The following NTNG1 variants were observed in gnomAD, a reference collection of about 807,000 sequenced individuals.
The protein encoded by NTNG1 is netrin-G1.
NTNG1 carries 16 observed loss-of-function variants against 54.0 expected under a neutral mutation model. The ratio of observed to expected loss-of-function variants is 0.30; its 90% CI spans 0.20 to 0.45. The LOEUF (loss-of-function observed/expected upper bound fraction) is 0.45. NTNG1 is among the 20% of genes least tolerant of loss of function. NTNG1 has a pLI of 1.00. For synonymous variants in NTNG1, 255 were observed against 263.1 expected (o/e 0.97, Z 0.30); for missense variants, 530 against 678.7 (o/e 0.78, Z 2.43).
At chr1:107,362,562 T>C (rs917098452) in intron 3 of NTNG1, among the ~76,000 whole-genome samples, 1 of 152,106 alleles carries the variant, frequency 6.6e-6, no homozygotes, top group Admixed American at 6.5e-5. Flanking sequence ...AACAGGTGCA[T>C]GATGTAGTGC....
chr1:107,169,830 G>T (rs925792515), intron 2 of NTNG1, among the ~76,000 whole-genome samples: 1 of 152,114 alleles, frequency 6.6e-6, no homozygotes, highest in African/African-American at 2.4e-5. Context: ...GAGATGCCTC[G>T]CAAAGAATTG....
At chr1:107,312,391 C>T (rs17509160) in intron 2 of NTNG1, among the ~76,000 whole-genome samples, 11,098 of 152,108 alleles carry the variant, frequency 0.073, 621 homozygotes, top group South Asian at 0.21. Flanking sequence ...ACTGACTACA[C>T]CCAAGGAGAT....
chr1:107,469,435 G>A (rs776040838), intron 7 of NTNG1, among the ~76,000 whole-genome samples: 7 of 151,926 alleles, frequency 4.6e-5, no homozygotes, highest in Admixed American at 1.3e-4. Flanking sequence ...TCCACCATTC[G>A]GAAACAGGCA....
intron 2 of NTNG1, among the ~76,000 whole-genome samples, chr1:107,194,927 G>A (rs1658209614): frequency 6.6e-6 from 1 of 151,790 alleles, no homozygotes; most frequent in South Asian, 2.1e-4. Flanking sequence ...TATTTCTATA[G>A]GGAAAAAAAA....
chr1:107,481,765 T>G lies in NTNG1; in HGVS notation c.*925T>G, dbSNP rs1678729261. 1 of 152,604 alleles carries G rather than the reference T, an allele frequency of 6.6e-6. No individual in the cohort carries two copies. The highest frequency in any genetic ancestry group is 1.5e-5 in the Non-Finnish European group (1 of 68,030). The allele number at this position is 152,604 out of a possible 1,614,324, so 9.5% of individuals were successfully genotyped here. ...AATATCAGTTTACATATATAACAAGTGTAATAAGATTCCACCAAAGGACAT... is the reference window on the plus strand; with the variant it reads ...AATATCAGTTTACATATATAACAAGGGTAATAAGATTCCACCAAAGGACAT... On this transcript the variant is annotated 3_prime_UTR_variant, in exon 8 of 8. Transcript: ENST00000370068.
chr1:107,352,843 G>T (rs554797305), intron 3 of NTNG1, among the ~76,000 whole-genome samples: 10 of 152,202 alleles, frequency 6.6e-5, no homozygotes, highest in South Asian at 2.1e-4. Flanking sequence ...AACCACCAAG[G>T]CTTATGGTTT....
At chr1:107,236,183 G>T (rs779120279) in intron 2 of NTNG1, among the ~76,000 whole-genome samples, 2 of 152,096 alleles carry the variant, frequency 1.3e-5, no homozygotes, top group Non-Finnish European at 2.9e-5. Context: ...TACTTTTAGA[G>T]GAACAAGTGA....
chr1:107,386,163 ATAT>A (rs796802078), intron 3 of NTNG1, among the ~76,000 whole-genome samples: 11 of 73,792 alleles, frequency 1.5e-4, no homozygotes, highest in South Asian at 5.4e-4. Flanking sequence ...ATATATATAT[ATAT>A]TTTTTTTTTT....
intron 2 of NTNG1, among the ~76,000 whole-genome samples, chr1:107,210,354 G>T (rs892686142): frequency 1.3e-5 from 2 of 152,144 alleles, no homozygotes; most frequent in African/African-American, 4.8e-5. Flanking sequence ...CAATGATAAA[G>T]ACTTGAATTA....
intron 2 of NTNG1, among the ~76,000 whole-genome samples, chr1:107,248,225 G>A (rs1051704540): frequency 6.6e-6 from 1 of 152,152 alleles, no homozygotes; most frequent in Non-Finnish European, 1.5e-5. Flanking sequence ...CTGTGACCTT[G>A]CCTTTGTTAA....
intron 7 of NTNG1, among the ~76,000 whole-genome samples, chr1:107,461,504 C>T (rs1677277665): frequency 6.6e-6 from 1 of 151,888 alleles, no homozygotes; most frequent in African/African-American, 2.4e-5. Flanking sequence ...TGAAGGCCAA[C>T]ACTAGAGATA....
intron 2 of NTNG1, among the ~76,000 whole-genome samples, chr1:107,189,846 C>G (rs1657773883): frequency 6.7e-6 from 1 of 150,338 alleles, no homozygotes; most frequent in African/African-American, 2.4e-5. Flanking sequence ...GGGGGCCTTA[C>G]TGGATCAGGT....
At chr1:107,403,499 C>G (rs1673184417) in intron 4 of NTNG1, 1 of 152,262 alleles carries the variant, frequency 6.6e-6, no homozygotes, top group Non-Finnish European at 1.5e-5. Context: ...CACCTGAGGT[C>G]AGGAGTTCAG....
intron 5 of NTNG1, among the ~76,000 whole-genome samples, chr1:107,430,342 CT>C (rs1675182605): frequency 6.6e-6 from 1 of 152,078 alleles, no homozygotes; most frequent in African/African-American, 2.4e-5. Flanking sequence ...ACACAGTCCC[CT>C]CTCACTTTTT....
At chr1:107,364,678 T>A (rs192574831) in intron 3 of NTNG1, among the ~76,000 whole-genome samples, 126 of 152,324 alleles carry the variant, frequency 8.3e-4, no homozygotes, top group African/African-American at 2.8e-3. Flanking sequence ...TTTTTCCTCC[T>A]AACATGTATT....
rs1396525062 is a variant in NTNG1, at chr1:107,148,050, C to T, written c.-525-19C>T. On this transcript the variant is annotated intron_variant, in intron 1 of 7. Coordinates refer to ENST00000370068, the MANE Select transcript of NTNG1 (RefSeq NM_001113226.3). ...ATTGATTCTGGGACAATAACACTTA[C>T]TCTTATTGTTTCTAAAAGGGTGTTG... is the stretch of plus-strand genomic sequence containing the variant. 1 of 154,416 alleles carries T rather than the reference C, an allele frequency of 6.5e-6. No homozygotes were observed. The highest frequency in any genetic ancestry group is 2.4e-5 in the African/African-American group (1 of 41,396). 9.6% of individuals were successfully genotyped at this position (154,416 alleles called of 1,614,324 possible). A position where few individuals can be genotyped will look rare whatever the true frequency, so the allele number is the denominator to read the frequency against.
At chr1:107,342,014 G>A (rs1017080983) in intron 3 of NTNG1, among the ~76,000 whole-genome samples, 2 of 151,790 alleles carry the variant, frequency 1.3e-5, no homozygotes, top group African/African-American at 4.8e-5. Flanking sequence ...AAAGAAGATA[G>A]GATAAAAACA....
In NTNG1 at chr1:107,324,619, A is replaced by C. The variant is rs1667840621; in HGVS notation, c.584A>C (p.Asp195Ala). Reference protein sequence around the residue: ...AFHMDPKSVKDLSQHTVLEII... With the variant: ...AFHMDPKSVKALSQHTVLEII... ...CACATGGATCCTAAATCCGTGAAGG[A>C]TTTATCACAGCATACGGTCTTAGAA... The change falls in exon 3 of 8, where the codon GAT becomes GCT. Residue 195 changes from aspartate (D) to alanine (A), a missense_variant. Asp to Ala is a moderately radical substitution (Grantham distance 126). Coordinates refer to ENST00000370068, the MANE Select transcript of NTNG1 (RefSeq NM_001113226.3). The C allele has an allele frequency of 6.2e-7, 1 of 1,613,712 alleles. No individual in the cohort carries two copies. Among genetic ancestry groups the C allele is most frequent in the African/African-American group, 1.3e-5 (1 of 75,030 alleles).
rs746469142 is a variant in NTNG1 at position 107,295,765 on chromosome 1, GA to G, written c.247-28511del. Among the ~76,000 whole-genome samples, 8 of 151,930 alleles carry G rather than the reference GA, an allele frequency of 5.3e-5. No individual in the cohort carries two copies. The East Asian group carries it at 7.7e-4, about 15-fold the overall frequency. On this transcript the variant is annotated intron_variant, in intron 2 of 7. Coordinates refer to ENST00000370068, the MANE Select transcript of NTNG1 (RefSeq NM_001113226.3). ...ACATATATATAAATTATGCAAAGCA[GA>G]AAAAACTAGCTAAAGTAAATGATGA...
Sources: allele counts gnomAD v4.1 joint callset (sites outside exome capture counted in the v4.1 genomes callset), GRCh38; gene constraint gnomAD v4.1.1; transcripts MANE v1.5; gene names NCBI Gene and HGNC (gene_info 2026-07-23, HGNC 2026-07-21).